HSD17B2: variants seen among roughly 807,000 people sequenced by gnomAD.
HSD17B2 encodes the protein 17-beta-hydroxysteroid dehydrogenase type 2.
A neutral mutation model predicts 26.9 loss-of-function variants in HSD17B2; 32 were observed. The ratio of observed to expected loss-of-function variants is 1.19; its 90% CI spans 0.90 to 1.60. The LOEUF (loss-of-function observed/expected upper bound fraction) is 1.60. Among genes scored for constraint, HSD17B2 ranks in the 40% most tolerant of loss-of-function variants. The pLI is 0.00. For synonymous variants in HSD17B2, 246 were observed against 186.7 expected, an observed-to-expected ratio of 1.32 and a Z score of -2.59; for missense variants, 613 against 468.6, an observed-to-expected ratio of 1.31 and a Z score of -2.85.
intron 1 of HSD17B2, among the ~76,000 whole-genome samples, chr16:82,057,789 C>T (rs141580060): frequency 7.8e-4 from 118 of 152,244 alleles, no homozygotes; most frequent in African/African-American, 2.8e-3. Context: ...AATAGAGAGG[C>T]GTTCTACAAA....
intron 3 of HSD17B2, 126 bp from the exon 4 acceptor site, chr16:82,090,776 G>A: frequency 1.0e-5 from 9 of 877,860 alleles, no homozygotes; most frequent in Non-Finnish European, 1.4e-5. Flanking sequence ...AGGGGGCCTT[G>A]CCTGCCTTTG....
chr16:82,085,338 G>C (rs1416869491), intron 3 of HSD17B2, among the ~76,000 whole-genome samples: 1 of 152,184 alleles, frequency 6.6e-6, no homozygotes, highest in Non-Finnish European at 1.5e-5. Context: ...GCAAGACTGA[G>C]TGAACCTCCT....
intron 4 of HSD17B2, 54 bp downstream of exon 4, chr16:82,091,093 G>C: frequency 6.4e-7 from 1 of 1,555,816 alleles, no homozygotes; most frequent in East Asian, 2.2e-5. Context: ...GAACCCCGAA[G>C]GTCCTCTTGG....
intron 3 of HSD17B2, among the ~76,000 whole-genome samples, chr16:82,083,749 G>C (rs1567591187): frequency 3.3e-5 from 5 of 152,226 alleles, no homozygotes; most frequent in African/African-American, 1.2e-4. Context: ...ACTAGCTCCT[G>C]AGGAGATGAC....
At chr16:82,097,408 G>A (rs1904883088) in intron 4 of HSD17B2, 1 of 148,612 alleles carries the variant, frequency 6.7e-6, no homozygotes, top group African/African-American at 2.5e-5. Context: ...TTAGAGATGG[G>A]ATCTCGCTAT....
intron 1 of HSD17B2, among the ~76,000 whole-genome samples, chr16:82,053,363 G>C (rs1449477400): frequency 6.6e-6 from 1 of 152,176 alleles, no homozygotes; most frequent in African/African-American, 2.4e-5. Flanking sequence ...CCCCTGCAGA[G>C]TCTACAGAAA....
intron 1 of HSD17B2, among the ~76,000 whole-genome samples, 172 bp downstream of exon 1, chr16:82,035,861 T>C (rs532178454): frequency 2.6e-4 from 39 of 152,062 alleles, no homozygotes; most frequent in African/African-American, 8.2e-4. Context: ...TTCCAGGAGG[T>C]GCATTTGAAG....
intron 3 of HSD17B2, among the ~76,000 whole-genome samples, chr16:82,073,148 T>A (rs1203091934): frequency 6.6e-6 from 1 of 152,196 alleles, no homozygotes; most frequent in African/African-American, 2.4e-5. Context: ...CTTCTTACTC[T>A]GTTGTCATGT....
intron 3 of HSD17B2, among the ~76,000 whole-genome samples, chr16:82,079,002 G>C (rs546678326): frequency 6.6e-6 from 1 of 152,258 alleles, no homozygotes; most frequent in East Asian, 1.9e-4. Flanking sequence ...ATTTAATTGT[G>C]CATTTAAAAA....
intron 1 of HSD17B2, among the ~76,000 whole-genome samples, chr16:82,062,049 T>G (rs573895129): frequency 4.5e-4 from 68 of 152,328 alleles, no homozygotes; most frequent in African/African-American, 1.6e-3. Context: ...GATGGGGTGT[T>G]TCCGTTCACC....
At chr16:82,062,488 A>G (rs1297517543) in intron 1 of HSD17B2, among the ~76,000 whole-genome samples, 1 of 152,170 alleles carries the variant, frequency 6.6e-6, no homozygotes. Context: ...AGCATCCACT[A>G]TGGGCTAAGC....
intron 1 of HSD17B2, among the ~76,000 whole-genome samples, chr16:82,055,025 C>T (rs1914223744): frequency 6.6e-6 from 1 of 152,198 alleles, no homozygotes; most frequent in Non-Finnish European, 1.5e-5. Flanking sequence ...TTTAGCAGCT[C>T]TCTGGCCTCA....
chr16:82,035,318 C>T lies in HSD17B2; in HGVS notation c.-107C>T. 9.6e-7 allele frequency: 1 copy of T among 1,044,912 alleles called. No individual in the cohort carries two copies. The highest frequency in any genetic ancestry group is 1.4e-6 in the Non-Finnish European group (1 of 712,634). 64.7% of individuals were successfully genotyped at this position (1,044,912 alleles called of 1,614,324 possible). A position where few individuals can be genotyped will look rare whatever the true frequency, so the allele number is the denominator to read the frequency against. ...GAAAGGGGCTGGGGCTGCTTTCTCCCCTCCCTTCTTGACTCTCTGTTCACA... is the reference window on the plus strand; with the variant it reads ...GAAAGGGGCTGGGGCTGCTTTCTCCTCTCCCTTCTTGACTCTCTGTTCACA... On this transcript the variant is annotated 5_prime_UTR_variant, in exon 1 of 5. Transcript: ENST00000199936.
chr16:82,079,183 TA>T (rs1024082372), intron 3 of HSD17B2, among the ~76,000 whole-genome samples: 2 of 151,078 alleles, frequency 1.3e-5, no homozygotes, highest in Admixed American at 6.6e-5. Flanking sequence ...TATTAAACAT[TA>T]AAAAAAAAGA....
intron 1 of HSD17B2, among the ~76,000 whole-genome samples, chr16:82,037,062 T>C (rs901404942): frequency 3.3e-5 from 5 of 152,196 alleles, no homozygotes; most frequent in African/African-American, 4.8e-5. Flanking sequence ...TCACAAAATA[T>C]GCACCCAACT....
intron 1 of HSD17B2, among the ~76,000 whole-genome samples, chr16:82,045,647 T>C (rs978774380): frequency 1.3e-5 from 2 of 152,264 alleles, no homozygotes; most frequent in African/African-American, 4.8e-5. Context: ...AATAGTGCCC[T>C]GCTCCTTTGT....
At chr16:82,055,105 G>A (rs1438504150) in intron 1 of HSD17B2, among the ~76,000 whole-genome samples, 1 of 152,164 alleles carries the variant, frequency 6.6e-6, no homozygotes, top group East Asian at 1.9e-4. Context: ...ATGTTCCCTG[G>A]GGGGGAACTG....
At chr16:82,086,992 T>A (rs191766423) in intron 3 of HSD17B2, among the ~76,000 whole-genome samples, 3 of 152,308 alleles carry the variant, frequency 2.0e-5, no homozygotes, top group Admixed American at 6.5e-5. Flanking sequence ...ACTAATTCTG[T>A]TGGATCAAGG....
chr16:82,083,928 A>G (rs1052647467), intron 3 of HSD17B2, among the ~76,000 whole-genome samples: 2 of 152,190 alleles, frequency 1.3e-5, no homozygotes, highest in African/African-American at 4.8e-5. Context: ...CATGGGAGGC[A>G]ACTCTGATGG....
Sources: gnomAD v4.1 joint callset for allele counts (sites outside exome capture counted in the v4.1 genomes callset) on GRCh38, gnomAD v4.1.1 for gene constraint, MANE v1.5 for transcripts, NCBI Gene and HGNC (gene_info 2026-07-23, HGNC 2026-07-21) for gene names.